DNAH10: variants seen among roughly 807,000 people sequenced by gnomAD.
DNAH10 encodes the protein axonemal beta dynein heavy chain 10.
Under a neutral mutation model 506.6 loss-of-function variants are expected in DNAH10, and 348 were observed. The observed-to-expected ratio is 0.69, with a 90% CI of 0.63 to 0.75. DNAH10 has a LOEUF of 0.75. Among genes scored for constraint, DNAH10 ranks in the 30% least tolerant of loss-of-function variants. DNAH10 has a pLI of 0.00. For missense variants in DNAH10, 5,179 were observed against 5,787.1 expected, an observed-to-expected ratio of 0.89 and a Z score of 3.41; for synonymous variants, 2,059 against 2,198.6, an observed-to-expected ratio of 0.94 and a Z score of 1.78.
intron 30 of DNAH10, among the ~76,000 whole-genome samples, chr12:123,843,762 G>C (rs1950852894): frequency 6.6e-6 from 1 of 152,172 alleles, no homozygotes; most frequent in Non-Finnish European, 1.5e-5. Context: ...ATTTTTAGTA[G>C]AGACAGGGTT....
At chr12:123,931,260 C>A in intron 73 of DNAH10, 81 bp from the exon 74 acceptor site, 1 of 1,568,260 alleles carries the variant, frequency 6.4e-7, no homozygotes, top group South Asian at 1.2e-5. Context: ...TCTTGCATGT[C>A]TTGGAGACTT....
intron 31 of DNAH10, 50 bp from the exon 32 acceptor site, chr12:123,845,921 G>A (rs761511513): frequency 4.3e-6 from 7 of 1,612,236 alleles, no homozygotes; most frequent in Admixed American, 3.3e-5. Flanking sequence ...TTTGTGGTCC[G>A]CTGATCTGTC....
chr12:123,780,103 A>ACG (rs397700686), intron 5 of DNAH10, among the ~76,000 whole-genome samples: 38 of 150,556 alleles, frequency 2.5e-4, no homozygotes, highest in Non-Finnish European at 4.3e-4. Flanking sequence ...GGTTTAACAC[A>ACG]GTTTCTTACC....
At chr12:123,931,026 TAAAC>T (rs549404785) in intron 73 of DNAH10, among the ~76,000 whole-genome samples, 30 of 151,604 alleles carry the variant, frequency 2.0e-4, no homozygotes, top group Non-Finnish European at 4.1e-4. Flanking sequence ...CTACAAAAAA[TAAAC>T]AAAAAATCAA....
chr12:123,912,390 G>C (rs1240769310), intron 59 of DNAH10, among the ~76,000 whole-genome samples: 5 of 42,490 alleles, frequency 1.2e-4, no homozygotes. Flanking sequence ...TCCCGGGGGG[G>C]TCTGTCCTGG....
At position 123,800,196 on chromosome 12, in the gene DNAH10, A is replaced by G. The variant is rs1344210645; in HGVS notation, c.2290-20A>G. 3 of 1,611,438 alleles carry G rather than the reference A, an allele frequency of 1.9e-6. No individual in the cohort carries two copies. The highest frequency in any genetic ancestry group is 2.5e-6 in the Non-Finnish European group (3 of 1,178,886). On this transcript the variant is annotated intron_variant, in intron 14 of 78. Transcript: ENST00000673944. ...CTCTTGGACTGCCCTGGCCGCGCTG[A>G]TGGAATGTCTCTTCCACAGTCTTCC...
intron 19 of DNAH10, among the ~76,000 whole-genome samples, chr12:123,812,502 C>T (rs959995484): frequency 6.6e-6 from 1 of 152,152 alleles, no homozygotes; most frequent in African/African-American, 2.4e-5. Flanking sequence ...CTTAACTCTA[C>T]AGCAGGGAGA....
At chr12:123,854,592 A>G (rs1008307790) in intron 36 of DNAH10, among the ~76,000 whole-genome samples, 8 of 152,244 alleles carry the variant, frequency 5.3e-5, no homozygotes, top group African/African-American at 1.9e-4. Context: ...AGAAAGAGGT[A>G]AAAAACAGCC....
intron 74 of DNAH10, 70 bp from the exon 75 acceptor site, chr12:123,931,566 T>G: frequency 6.2e-7 from 1 of 1,606,590 alleles, no homozygotes; most frequent in Non-Finnish European, 8.5e-7. Context: ...TTCCCAGAAC[T>G]GGAAGGCTCA....
chr12:123,838,370 T>G (rs1961401260), intron 28 of DNAH10, 86 bp from the exon 29 acceptor site: 1 of 1,228,992 alleles, frequency 8.1e-7, no homozygotes, highest in Admixed American at 2.3e-5. Context: ...GCCTGGGCTC[T>G]GGTGAGTGCC....
chr12:123,870,511 C>T (rs752298430), intron 44 of DNAH10, 26 bp downstream of exon 44: 2 of 1,608,202 alleles, frequency 1.2e-6, no homozygotes, highest in Non-Finnish European at 1.7e-6. Context: ...ATCCTTGTTC[C>T]TGGGTTTAGG....
Position 123,787,993 on chromosome 12 carries a change from C to A in DNAH10, c.1611C>A (p.Asp537Glu), listed in dbSNP as rs1338826450. The A allele has an allele frequency of 1.3e-6, 2 of 1,567,976 alleles. No individual in the cohort carries two copies. Among genetic ancestry groups the A allele is most frequent in the Non-Finnish European group, 1.7e-6 (2 of 1,155,894 alleles). Residue 537 changes from aspartate (D) to glutamate (E), a missense_variant, in exon 10 of 79, where the codon GAC (aspartate) becomes GAA (glutamate). Physicochemically the swap from Asp to Glu is conservative, Grantham distance 45. Coordinates refer to ENST00000673944, the MANE Select transcript of DNAH10 (RefSeq NM_001372106.1). This position sits in a 1 kb window ranked among gnomAD's most constrained non-coding sequence, Gnocchi z 4.6. ...YMATICQDLS[D>E]VLQILEEFYN... ...CCACCATCTGCCAGGACCTCTCCGA[C>A]GTTCTGCAGGTAGGGGCTGGGCGAA...
intron 58 of DNAH10, among the ~76,000 whole-genome samples, chr12:123,910,048 T>TTAGA (rs1953992202): frequency 2.0e-5 from 3 of 152,226 alleles, no homozygotes; most frequent in Non-Finnish European, 4.4e-5. Flanking sequence ...GATGGTTTAT[T>TTAGA]TAGACTCTTA....
intron 50 of DNAH10, 135 bp from the exon 51 acceptor site, chr12:123,881,490 A>G: frequency 1.1e-6 from 1 of 874,726 alleles, no homozygotes; most frequent in Middle Eastern, 3.3e-4. Context: ...CCACTTTTTG[A>G]TGAAGTTGTT....
chr12:123,804,825 C>G lies in DNAH10; in HGVS notation c.2780-8C>G, dbSNP rs1243310157. ...GTGGACAGCTCTAACAGACATCTTT[C>G]TCTCCAGGCGTGAAGGAATTTTTTG... On this transcript the variant is annotated splice_region_variant and splice_polypyrimidine_tract_variant and intron_variant, in intron 17 of 78. Transcript: ENST00000673944. The G allele has an allele frequency of 6.2e-7, 1 of 1,606,182 alleles. No homozygotes were observed. The highest frequency in any genetic ancestry group is 1.3e-5 in the African/African-American group (1 of 74,718).
rs371494368 is a variant in DNAH10 at position 123,771,623 on chromosome 12, C to A, written c.321C>A (p.Thr107=). ...KVRAKRVSLR[T]ESLGQPLNRE... Reference sequence around the variant, plus strand: ...CAGCTAAGCGTGTGTCACTGAGAACCGAATCTCTAGGCCAACCTCTAAACA... The same window carrying A: ...CAGCTAAGCGTGTGTCACTGAGAACAGAATCTCTAGGCCAACCTCTAAACA... The change falls in exon 3 of 79, where the codon ACC becomes ACA. Residue 107 remains threonine, a synonymous_variant. Coordinates refer to ENST00000673944, the MANE Select transcript of DNAH10 (RefSeq NM_001372106.1). 6.2e-7 allele frequency: 1 copy of A among 1,613,460 alleles called. No individual in the cohort carries two copies. The highest frequency in any genetic ancestry group is 1.3e-5 in the African/African-American group (1 of 74,906).
In DNAH10 at chr12:123,833,215, C is replaced by G; in HGVS notation, c.4647C>G (p.Asp1549Glu). The part of the protein sequence containing the change: ...QERGYILGSV[D>E]EIIQSLDDNT... ...GAGGCTACATCCTGGGTTCTGTTGACGAAATTATTCAGTCTCTTGATGACA... is the reference window on the plus strand; with the variant it reads ...GAGGCTACATCCTGGGTTCTGTTGAGGAAATTATTCAGTCTCTTGATGACA... Residue 1549 changes from aspartate (D) to glutamate (E), a missense_variant, in exon 27 of 79, where the codon GAC becomes GAG. Transcript: ENST00000673944. 1 of 1,613,828 alleles carries G rather than the reference C, an allele frequency of 6.2e-7. No individual in the cohort carries two copies. Among genetic ancestry groups the G allele is most frequent in the South Asian group, 1.1e-5 (1 of 91,000 alleles).
Position 123,799,330 on chromosome 12 carries a change from C to A in DNAH10, c.2248C>A (p.Gln750Lys), listed in dbSNP as rs770921214. The change falls in exon 14 of 79, where the codon CAG becomes AAG. Residue 750 changes from glutamine to lysine, a missense_variant. Around this residue, in one of 3 missense-constraint regions of DNAH10, gnomAD observed 4,844 missense variants for 5,430.5 expected, o/e 0.89. Coordinates refer to ENST00000673944, the MANE Select transcript of DNAH10 (RefSeq NM_001372106.1). ...KYEQWMEVTE[Q>K]VLPALMKKSL... ...TGAGCAGTGGATGGAGGTGACGGAG[C>A]AGGTGCTGCCAGCTCTCATGAAGAA... 1 of 1,612,518 alleles carries A rather than the reference C, an allele frequency of 6.2e-7. No individual in the cohort carries two copies. Among genetic ancestry groups the A allele is most frequent in the African/African-American group, 1.3e-5 (1 of 74,904 alleles).
chr12:123,922,309 G>A (rs940907037), intron 65 of DNAH10, among the ~76,000 whole-genome samples: 1 of 152,062 alleles, frequency 6.6e-6, no homozygotes, highest in East Asian at 2.0e-4. Context: ...CCGGGAGGCG[G>A]AGGTTGCAGT....
Sources: gnomAD v4.1 joint callset for allele counts (sites outside exome capture counted in the v4.1 genomes callset) on GRCh38, gnomAD v4.1.1 for gene constraint, gnomAD v4.1.1 regional missense constraint, Gnocchi (gnomAD v3.1) non-coding constraint, MANE v1.5 for transcripts, NCBI Gene and HGNC (gene_info 2026-07-23, HGNC 2026-07-21) for gene names.